The following PPP1R9A variants were observed in gnomAD, a reference collection of about 807,000 sequenced individuals.
PPP1R9A encodes neurabin-1.
In PPP1R9A, 59 loss-of-function variants were observed where a neutral mutation model predicts 141.9. The observed-to-expected ratio is 0.42, with a 90% CI of 0.34 to 0.52. The LOEUF is 0.52. PPP1R9A is among the 20% of genes least tolerant of loss of function. The pLI is 0.10. For synonymous variants in PPP1R9A, 500 were observed against 569.7 expected (o/e 0.88, Z 1.74); for missense variants, 1,444 against 1,611.9 (o/e 0.90, Z 1.78).
intron 2 of PPP1R9A, among the ~76,000 whole-genome samples, chr7:95,086,049 A>G (rs1317763027): frequency 6.6e-6 from 1 of 151,694 alleles, no homozygotes; most frequent in Non-Finnish European, 1.5e-5. Flanking sequence ...GTAAGTAACC[A>G]ATTCCTCTCC....
chr7:95,281,170 A>G (rs1220286081), intron 16 of PPP1R9A, among the ~76,000 whole-genome samples: 1 of 152,188 alleles, frequency 6.6e-6, no homozygotes, highest in Non-Finnish European at 1.5e-5. Flanking sequence ...GGGTTACATC[A>G]GTTCATGGGG....
intron 2 of PPP1R9A, among the ~76,000 whole-genome samples, chr7:95,042,357 T>C (rs1809372039): frequency 6.6e-6 from 1 of 152,214 alleles, no homozygotes; most frequent in African/African-American, 2.4e-5. Context: ...TTTTAAAAAC[T>C]GATATGTTTT....
chr7:94,936,910 T>C (rs1794832067), intron 2 of PPP1R9A, among the ~76,000 whole-genome samples: 1 of 152,142 alleles, frequency 6.6e-6, no homozygotes, highest in Admixed American at 6.6e-5. Flanking sequence ...TAGGGTATTC[T>C]GAATAAATTT....
At chr7:95,231,851 A>G (rs1796005544) in intron 8 of PPP1R9A, among the ~76,000 whole-genome samples, 2 of 152,150 alleles carry the variant, frequency 1.3e-5, no homozygotes, top group Admixed American at 1.3e-4. Flanking sequence ...AACAAGAACA[A>G]TCCAAACCCA....
At chr7:95,004,531 G>A (rs1191916229) in intron 2 of PPP1R9A, among the ~76,000 whole-genome samples, 1 of 152,140 alleles carries the variant, frequency 6.6e-6, no homozygotes, top group Non-Finnish European at 1.5e-5. Context: ...TGAGTTCCAT[G>A]TATATGGAGC....
At chr7:95,188,327 A>T (rs1228899298) in intron 5 of PPP1R9A, among the ~76,000 whole-genome samples, 1 of 152,082 alleles carries the variant, frequency 6.6e-6, no homozygotes, top group East Asian at 1.9e-4. Context: ...GTTTCCATTT[A>T]CATGAAATAT....
At chr7:94,909,718 T>G (rs1187469680) in intron 1 of PPP1R9A, among the ~76,000 whole-genome samples, 180 bp from the exon 2 acceptor site, 1 of 151,986 alleles carries the variant, frequency 6.6e-6, no homozygotes, top group Non-Finnish European at 1.5e-5. Context: ...TTTTTTTTTT[T>G]TTTTTTACCA....
chr7:94,920,195 C>T (rs950136650), intron 2 of PPP1R9A, among the ~76,000 whole-genome samples: 2 of 152,034 alleles, frequency 1.3e-5, no homozygotes, highest in Non-Finnish European at 2.9e-5. Flanking sequence ...TTTAGAGCAA[C>T]TTGACTTTTG....
chr7:95,051,290 A>C (rs1057088350), intron 2 of PPP1R9A, among the ~76,000 whole-genome samples: 2 of 152,034 alleles, frequency 1.3e-5, no homozygotes, highest in Non-Finnish European at 2.9e-5. Flanking sequence ...AGATCAGTCA[A>C]GCATATTTAT....
At chr7:95,030,496 A>AT (rs201362911) in intron 2 of PPP1R9A, among the ~76,000 whole-genome samples, 10 of 150,468 alleles carry the variant, frequency 6.6e-5, no homozygotes, top group East Asian at 3.9e-4. Flanking sequence ...TAATCTTTTA[A>AT]TTTTTTTTTT....
At chr7:95,206,757 A>C (rs1790888016) in intron 7 of PPP1R9A, among the ~76,000 whole-genome samples, 1 of 152,200 alleles carries the variant, frequency 6.6e-6, no homozygotes, top group South Asian at 2.1e-4. Flanking sequence ...TCTTTCACTC[A>C]TCATAATGTC....
intron 2 of PPP1R9A, chr7:95,035,631 A>G (rs868573868): frequency 6.6e-6 from 1 of 152,178 alleles, no homozygotes. Context: ...TTTGGTCCAT[A>G]TTAGATTTAT....
chr7:94,988,945 A>C (rs1801173058), intron 2 of PPP1R9A, among the ~76,000 whole-genome samples: 1 of 152,154 alleles, frequency 6.6e-6, no homozygotes, highest in African/African-American at 2.4e-5. Context: ...CTACTGATTA[A>C]ATTTGGTGAA....
chr7:95,208,803 T>C (rs1791421630), intron 7 of PPP1R9A, among the ~76,000 whole-genome samples: 1 of 151,966 alleles, frequency 6.6e-6, no homozygotes, highest in Admixed American at 6.6e-5. Context: ...ACTTAACTTC[T>C]GTTCATCGAA....
chr7:95,151,493 G>A lies in PPP1R9A; in HGVS notation c.1650-10374G>A, dbSNP rs532307651. On this transcript the variant is annotated intron_variant, in intron 4 of 19. Transcript: ENST00000433360. ...GGGAGGGATGACTAAGTGGAGCACAGAGGATTTTTTTAGGGCAATGAAACC... is the reference window on the plus strand; with the variant it reads ...GGGAGGGATGACTAAGTGGAGCACAAAGGATTTTTTTAGGGCAATGAAACC... Among the ~76,000 whole-genome samples the A allele has an allele frequency of 4.7e-4, 71 of 152,280 alleles. 1 individual carries two copies. Among genetic ancestry groups the A allele is most frequent in the African/African-American group, 1.7e-3 (70 of 41,566 alleles).
chr7:95,267,619 A>G (rs1352141468), intron 12 of PPP1R9A, among the ~76,000 whole-genome samples: 2 of 152,054 alleles, frequency 1.3e-5, no homozygotes, highest in African/African-American at 4.8e-5. Flanking sequence ...AAAGAGGACT[A>G]ATTGAATTCT....
chr7:95,154,301 A>T (rs912462821), intron 4 of PPP1R9A, among the ~76,000 whole-genome samples: 15 of 151,474 alleles, frequency 9.9e-5, no homozygotes, highest in Middle Eastern at 6.9e-3. Context: ...ATAGTTTTAA[A>T]TTTTCTTGTA....
chr7:95,023,582 C>A (rs1473125530), intron 2 of PPP1R9A, among the ~76,000 whole-genome samples: 1 of 152,002 alleles, frequency 6.6e-6, no homozygotes, highest in East Asian at 1.9e-4. Flanking sequence ...GAGATGGAGT[C>A]TTGCTCTGTT....
chr7:95,046,932 G>A (rs979719972), intron 2 of PPP1R9A, among the ~76,000 whole-genome samples: 3 of 152,194 alleles, frequency 2.0e-5, no homozygotes, highest in Admixed American at 6.5e-5. Context: ...ACGGTTTGCA[G>A]CCAACTGTGA....
Sources: gnomAD v4.1 joint callset for allele counts (sites outside exome capture counted in the v4.1 genomes callset) on GRCh38, gnomAD v4.1.1 for gene constraint, MANE v1.5 for transcripts, NCBI Gene and HGNC (gene_info 2026-07-23, HGNC 2026-07-21) for gene names.